DOP1B: variants seen among roughly 807,000 people sequenced by gnomAD.
DOP1B encodes protein DOP1B.
In DOP1B, 174 loss-of-function variants were observed where a neutral mutation model predicts 233.5. That is an observed-to-expected ratio of 0.75 (90% confidence interval 0.66 to 0.85). DOP1B has a LOEUF of 0.85. Among genes scored for constraint, DOP1B ranks in the 40% least tolerant of loss-of-function variants. The probability of loss-of-function intolerance (pLI) is 0.00; values close to 1 mark genes in which losing one functional copy is unlikely to be tolerated. For synonymous variants in DOP1B, 1,190 were observed against 1,185.6 expected (o/e 1.00, Z -0.08); for missense variants, 2,652 against 2,846.6 (o/e 0.93, Z 1.56).
chr21:36,262,956 C>T (rs545615039), intron 24 of DOP1B, among the ~76,000 whole-genome samples: 7 of 151,234 alleles, frequency 4.6e-5, no homozygotes, highest in Non-Finnish European at 7.4e-5. Context: ...GAAGAAAGGC[C>T]GGGCGCAGTG....
chr21:36,214,618 T>TA, intron 9 of DOP1B, 62 bp downstream of exon 9: 1 of 1,390,972 alleles, frequency 7.2e-7, no homozygotes, highest in Non-Finnish European at 1.0e-6. Context: ...TTCAGGGAAA[T>TA]ACAACATGGT....
At position 36,245,556 on chromosome 21, in the gene DOP1B, C is replaced by T; in HGVS notation, c.3576C>T (p.Phe1192=). Residue 1192 remains phenylalanine, a synonymous_variant, in exon 19 of 37, where the codon TTC becomes TTT. Transcript: ENST00000691173. This position sits in a 1 kb window ranked among gnomAD's most constrained non-coding sequence, Gnocchi z 5.5. ...ACAAGACGCAGGCTTCTGAGTCGTT[C>T]TCCAGCGACGAGGAGGCGGACTTGG... The part of the protein sequence containing the change: ...DSDKTQASES[F]SSDEEADLEL... The T allele has an allele frequency of 4.3e-6, 7 of 1,613,510 alleles. No homozygotes were observed. The highest frequency in any genetic ancestry group is 5.9e-6 in the Non-Finnish European group (7 of 1,179,986).
chr21:36,251,215 G>A lies in DOP1B; in HGVS notation c.5052G>A (p.Gly1684=). ...DFLNPLTAHL[G]VQLTAAVAAV... ...TAAACCCCTTGACGGCCCATCTTGG[G>A]GTTCAGTTGACAGCGGCTGTTGCGG... Residue 1684 remains glycine, a synonymous_variant, in exon 22 of 37, where the codon GGG becomes GGA. Coordinates refer to ENST00000691173, the MANE Select transcript of DOP1B (RefSeq NM_001320714.2). 6.2e-7 allele frequency: 1 copy of A among 1,614,018 alleles called. No individual in the cohort carries two copies. Among genetic ancestry groups the A allele is most frequent in the South Asian group, 1.1e-5 (1 of 91,052 alleles).
At chr21:36,160,127 G>GA (rs201544124) in intron 1 of DOP1B, among the ~76,000 whole-genome samples, 1 of 127,070 alleles carries the variant, frequency 7.9e-6, no homozygotes, top group African/African-American at 2.6e-5. Context: ...GAATTTTCTG[G>GA]AAAAAATAAT....
intron 24 of DOP1B, chr21:36,261,028 A>C (rs569701965): frequency 8.8e-7 from 1 of 1,130,714 alleles, no homozygotes; most frequent in African/African-American, 1.7e-5. Context: ...ACAGAAAAAG[A>C]AAAAAACCAC....
intron 26 of DOP1B, 143 bp from the exon 27 acceptor site, chr21:36,269,870 A>T (rs563106726): frequency 3.7e-6 from 3 of 801,314 alleles, no homozygotes; most frequent in African/African-American, 3.4e-5. Flanking sequence ...TTTACCTTCA[A>T]TGTGGCTCCT....
In DOP1B at chr21:36,246,249, C is replaced by T; in HGVS notation, c.4269C>T (p.Leu1423=). The T allele has an allele frequency of 6.2e-7, 1 of 1,613,922 alleles. No homozygotes were observed. The highest frequency in any genetic ancestry group is 1.7e-5 in the Admixed American group (1 of 60,010). ...AGGACAGCCTCTTTGAGGAGAGTCT[C>T]ATTAACTTGGGTCAGGACCAGATCT... ...LPEDSLFEES[L]INLGQDQIWS... Residue 1423 remains leucine, a synonymous_variant, in exon 19 of 37, where the codon CTC becomes CTT. Transcript: ENST00000691173. The surrounding 1 kb of genome is among the most constrained non-coding windows in gnomAD (Gnocchi z 5.1).
chr21:36,281,602 C>G lies in DOP1B; in HGVS notation c.6151C>G (p.Leu2051Val). ...TGATCAATACCACCTTTACCTTCCACTGATACAAGGTAAGACAGCTGTCTT... is the reference window on the plus strand; with the variant it reads ...TGATCAATACCACCTTTACCTTCCAGTGATACAAGGTAAGACAGCTGTCTT... ...ELDQYHLYLPLIQERLTDNLR... is the reference protein window; with the variant it reads ...ELDQYHLYLPVIQERLTDNLR... Residue 2051 changes from leucine to valine, a missense_variant, in exon 32 of 37, where the codon CTG becomes GTG. This residue lies in a region of DOP1B where 2,617 missense variants were observed against 2,794.3 expected (regional missense o/e 0.94). Coordinates refer to ENST00000691173, the MANE Select transcript of DOP1B (RefSeq NM_001320714.2). 6.3e-7 allele frequency: 1 copy of G among 1,593,288 alleles called. No homozygotes were observed. The highest frequency in any genetic ancestry group is 8.6e-7 in the Non-Finnish European group (1 of 1,163,214).
chr21:36,248,026 A>G (rs147535739), intron 20 of DOP1B, among the ~76,000 whole-genome samples: 43 of 152,188 alleles, frequency 2.8e-4, no homozygotes, highest in African/African-American at 1.0e-3. Context: ...TTTTCCATGT[A>G]TTTTTTACTT....
At chr21:36,219,104 C>T (rs779669520) in intron 9 of DOP1B, among the ~76,000 whole-genome samples, 1 of 152,076 alleles carries the variant, frequency 6.6e-6, no homozygotes, top group Non-Finnish European at 1.5e-5. Flanking sequence ...ATGGCTGTTA[C>T]GAGGGTTTAA....
intron 19 of DOP1B, 24 bp from the exon 20 acceptor site, chr21:36,247,493 C>T: frequency 5.2e-6 from 8 of 1,540,216 alleles, no homozygotes; most frequent in Non-Finnish European, 7.0e-6. Flanking sequence ...ATTCTCAAAC[C>T]AGTTTCTCTT....
intron 2 of DOP1B, among the ~76,000 whole-genome samples, chr21:36,173,926 T>A (rs1001715052): frequency 6.6e-6 from 1 of 152,196 alleles, no homozygotes; most frequent in African/African-American, 2.4e-5. Flanking sequence ...TTTTTTGTTT[T>A]TTCGCTGCTT....
chr21:36,228,770 TAAATAAATAAAATA>T (rs1310039886), intron 13 of DOP1B, among the ~76,000 whole-genome samples: 1 of 138,264 alleles, frequency 7.2e-6, no homozygotes, highest in Non-Finnish European at 1.5e-5. Flanking sequence ...TGTCTCAAAA[TAAATAAATAAAATA>T]AAATAAAATA....
At chr21:36,223,112 T>C (rs746503049) in intron 10 of DOP1B, 119 bp from the exon 11 acceptor site, 5 of 959,262 alleles carry the variant, frequency 5.2e-6, no homozygotes, top group Non-Finnish European at 6.1e-6. Context: ...TTTATCAGGG[T>C]GTGTCAGCTT....
chr21:36,245,271 C>G lies in DOP1B; in HGVS notation c.3291C>G (p.Asp1097Glu), dbSNP rs1222463107. ...TGCCCTACTACGTGGAGCTTCCAGA[C>G]AGGACGGCCCACGGCGCCCCGGACA... ...EELPYYVELPDRTAHGAPDSS... is the reference protein window; with the variant it reads ...EELPYYVELPERTAHGAPDSS... The change falls in exon 19 of 37, where the codon GAC becomes GAG. Residue 1097 changes from aspartate to glutamate, a missense_variant. Around this residue, in one of 3 missense-constraint regions of DOP1B, gnomAD observed 2,617 missense variants for 2,794.3 expected, o/e 0.94. Transcript: ENST00000691173. This position sits in a 1 kb window ranked among gnomAD's most constrained non-coding sequence, Gnocchi z 5.5. 3 of 1,614,110 alleles carry G rather than the reference C, an allele frequency of 1.9e-6. No individual in the cohort carries two copies. Among genetic ancestry groups the G allele is most frequent in the Non-Finnish European group, 1.7e-6 (2 of 1,180,040 alleles).
intron 30 of DOP1B, among the ~76,000 whole-genome samples, chr21:36,279,322 G>A (rs2067388832): frequency 6.6e-6 from 1 of 152,172 alleles, no homozygotes; most frequent in Non-Finnish European, 1.5e-5. Context: ...GAAGCCTGAG[G>A]CAGGAGGATC....
At position 36,156,833 on chromosome 21, in the gene DOP1B, G is replaced by C. The variant is rs911922136; in HGVS notation, c.-137G>C. On this transcript the variant is annotated 5_prime_UTR_variant, in exon 1 of 37. Transcript: ENST00000691173. ...GCCGCTGGTTCTCCGGCTCTTCCTC[G>C]GCGGTTCTGGCTCCCGGCCGCGCCG... is the stretch of plus-strand genomic sequence containing the variant. 6.6e-6 allele frequency: 1 copy of C among 152,596 alleles called. No homozygotes were observed. Among genetic ancestry groups the C allele is most frequent in the East Asian group, 1.9e-4 (1 of 5,194 alleles). The allele number at this position is 152,596 out of a possible 1,614,324, so 9.5% of individuals were successfully genotyped here.
rs962611889 is a variant in DOP1B, at chr21:36,289,777, G to A, written c.6515+571G>A. Among the ~76,000 whole-genome samples, 8 of 152,272 alleles carry A rather than the reference G, an allele frequency of 5.3e-5. No individual in the cohort carries two copies. In the South Asian group the frequency reaches 1.7e-3, roughly 32 times the overall value. ...TTCTCTTAAATGCACATTGCTAAGTGAAAGAAGCCAGTCTGAAAAGGCTAC... is the reference window on the plus strand; with the variant it reads ...TTCTCTTAAATGCACATTGCTAAGTAAAAGAAGCCAGTCTGAAAAGGCTAC... On this transcript the variant is annotated intron_variant, in intron 35 of 36. Coordinates refer to ENST00000691173, the MANE Select transcript of DOP1B (RefSeq NM_001320714.2).
In DOP1B at chr21:36,200,803, A is replaced by C. The variant is rs375157280; in HGVS notation, c.491+302A>C. ...GCTTGCAGTGAGCCGAGATCGCACC[A>C]CTGCACTCCAGCCTGGACAACAGAG... On this transcript the variant is annotated intron_variant, in intron 4 of 36. Coordinates refer to ENST00000691173, the MANE Select transcript of DOP1B (RefSeq NM_001320714.2). 2.0e-5 allele frequency among the ~76,000 whole-genome samples: 3 copies of C among 151,310 alleles called. No homozygotes were observed. The East Asian group carries it at 5.8e-4, about 29-fold the overall frequency.
Sources: gnomAD v4.1 joint callset for allele counts (sites outside exome capture counted in the v4.1 genomes callset) on GRCh38, gnomAD v4.1.1 for gene constraint, gnomAD v4.1.1 regional missense constraint, Gnocchi (gnomAD v3.1) non-coding constraint, MANE v1.5 for transcripts, NCBI Gene and HGNC (gene_info 2026-07-23, HGNC 2026-07-21) for gene names.